Variants in CCN2 observed in about 807,000 individuals in gnomAD.
CCN2 encodes the protein cellular communication network factor 2.
Under a neutral mutation model 33.2 loss-of-function variants are expected in CCN2, and 22 were observed. The observed-to-expected ratio is 0.66, with a 90% CI of 0.47 to 0.95. The LOEUF (loss-of-function observed/expected upper bound fraction) is 0.95, where lower values mean the gene tolerates loss of function less well. CCN2 is among the 40% of genes least tolerant of loss of function. The pLI is 0.00. For missense variants in CCN2, 469 were observed against 498.8 expected (o/e 0.94, Z 0.57); for synonymous variants, 178 against 200.6 (o/e 0.89, Z 0.95).
Position 131,949,312 on chromosome 6 carries a change from G to T in CCN2, c.1002C>A (p.Asp334Glu). ...ACHYNCPGDN[D>E]IFESLYYRKM... The stretch of plus-strand genomic sequence containing the variant: ...TCCTGTAGTACAGCGATTCAAAGAT[G>T]TCATTGTCTCCGGGACAGTTGTAAT... The change falls in exon 5 of 5, where the codon GAC becomes GAA. Residue 334 changes from aspartate to glutamate, a missense_variant. Coordinates refer to ENST00000367976, the MANE Select transcript of CCN2 (RefSeq NM_001901.4). 1.9e-6 allele frequency: 3 copies of T among 1,614,208 alleles called. No homozygotes were observed. The highest frequency in any genetic ancestry group is 2.5e-6 in the Non-Finnish European group (3 of 1,180,028).
In CCN2 at chr6:131,949,440, A is replaced by G. The variant is rs572147432; in HGVS notation, c.874T>C (p.Cys292Arg). ...KFCGVCTDGR[C>R]CTPHRTTTLP... Reference sequence around the variant, plus strand: ...GTGGTGGTTCTGTGGGGGGTGCAGCATCGGCCGTCGGTACATACTCCACAG... The same window carrying G: ...GTGGTGGTTCTGTGGGGGGTGCAGCGTCGGCCGTCGGTACATACTCCACAG... Residue 292 changes from cysteine to arginine, a missense_variant, in exon 5 of 5, where the codon TGC becomes CGC. Coordinates refer to ENST00000367976, the MANE Select transcript of CCN2 (RefSeq NM_001901.4). 1 of 1,614,184 alleles carries G rather than the reference A, an allele frequency of 6.2e-7. No homozygotes were observed. Among genetic ancestry groups the G allele is most frequent in the Middle Eastern group, 1.6e-4 (1 of 6,062 alleles).
In CCN2 at chr6:131,950,116, T is replaced by C. The variant is rs773225479; in HGVS notation, c.586A>G (p.Arg196Gly). The C allele has an allele frequency of 6.2e-7, 1 of 1,614,250 alleles. No individual in the cohort carries two copies. The highest frequency in any genetic ancestry group is 1.3e-5 in the African/African-American group (1 of 75,058). The stretch of plus-strand genomic sequence containing the variant: ...GTGGTCTGGACCAGGCAGTTGGCTC[T>C]AATCATAGTTGGGTCTGGGCCAAAC... Reference protein sequence around the residue: ...DTFGPDPTMIRANCLVQTTEW... With the variant: ...DTFGPDPTMIGANCLVQTTEW... The change falls in exon 4 of 5, where the codon AGA (arginine) becomes GGA (glycine). Residue 196 changes from arginine to glycine, a missense_variant. Physicochemically the swap from Arg to Gly is moderately radical, Grantham distance 125 (BLOSUM62 -2). Coordinates refer to ENST00000367976, the MANE Select transcript of CCN2 (RefSeq NM_001901.4). The surrounding 1 kb of genome is among the most constrained non-coding windows in gnomAD (Gnocchi z 7.1).
intron 4 of CCN2, 28 bp from the exon 5 acceptor site, chr6:131,949,588 G>GAA: frequency 4.7e-6 from 5 of 1,065,260 alleles, no homozygotes; most frequent in East Asian, 2.7e-5. Flanking sequence ...AAAGAGAGAG[G>GAA]AAAAAAAAAA....
In CCN2 at chr6:131,950,043, C is replaced by T. The variant is rs1489124165; in HGVS notation, c.659G>A (p.Arg220Gln). 2.5e-6 allele frequency: 4 copies of T among 1,614,228 alleles called. No homozygotes were observed. Among genetic ancestry groups the T allele is most frequent in the Non-Finnish European group, 3.4e-6 (4 of 1,180,036 alleles). The change falls in exon 4 of 5, where the codon CGG becomes CAG. Residue 220 changes from arginine to glutamine, a missense_variant. Arg to Gln is a conservative substitution (Grantham distance 43). Coordinates refer to ENST00000367976, the MANE Select transcript of CCN2 (RefSeq NM_001901.4). This position sits in a 1 kb window ranked among gnomAD's most constrained non-coding sequence, Gnocchi z 7.1. ...SKTCGMGIST[R>Q]VTNDNASCRL... ...GCAGGAGGCGTTGTCATTGGTAACC[C>T]GGGTGGAGATGCCCATCCCACAGGT...
rs780986630 is a variant in CCN2 at position 131,950,849 on chromosome 6, C to G, written c.210G>C (p.Glu70Asp). Reference sequence around the variant, plus strand: ...CCTTGTGCGGGTCGCATGGGTCGCGCTCGGTGCACAGCTCGCCCAGCTGCT... The same window carrying G: ...CCTTGTGCGGGTCGCATGGGTCGCGGTCGGTGCACAGCTCGCCCAGCTGCT... ...CAKQLGELCT[E>D]RDPCDPHKGL... The change falls in exon 2 of 5, where the codon GAG becomes GAC. Residue 70 changes from glutamate (E) to aspartate (D), a missense_variant. Glu to Asp is a conservative substitution (Grantham distance 45, BLOSUM62 2). Coordinates refer to ENST00000367976, the MANE Select transcript of CCN2 (RefSeq NM_001901.4). This position sits in a 1 kb window ranked among gnomAD's most constrained non-coding sequence, Gnocchi z 7.1. 6.5e-7 allele frequency: 1 copy of G among 1,535,802 alleles called. No individual in the cohort carries two copies. The highest frequency in any genetic ancestry group is 8.7e-7 in the Non-Finnish European group (1 of 1,147,882).
chr6:131,949,942 C>T lies in CCN2; in HGVS notation c.753+7G>A, dbSNP rs1585880383. 1 of 1,613,954 alleles carries T rather than the reference C, an allele frequency of 6.2e-7. No individual in the cohort carries two copies. The highest frequency in any genetic ancestry group is 8.5e-7 in the Non-Finnish European group (1 of 1,179,886). The stretch of plus-strand genomic sequence containing the variant: ...TGAAAAATAGTTAATAGGAGCAGAA[C>T]ATGTACCTTAATGTTCTCTTCCAGG... On this transcript the variant is annotated splice_region_variant and intron_variant, in intron 4 of 4. Transcript: ENST00000367976.
Position 131,949,681 on chromosome 6 carries a change from AG to A in CCN2, c.754-122del. The A allele has an allele frequency of 3.8e-6, 4 of 1,043,040 alleles. No homozygotes were observed. The South Asian group carries it at 4.7e-5, about 12-fold the overall frequency. 64.6% of individuals were successfully genotyped at this position (1,043,040 alleles called of 1,614,324 possible). ...TTGTCTGACTTCTGTTTATATTTTGAGGGGAGGAAGTTTGAGTCTCATTTGC... is the reference window on the plus strand; with the variant it reads ...TTGTCTGACTTCTGTTTATATTTTGAGGGAGGAAGTTTGAGTCTCATTTGC... On this transcript the variant is annotated intron_variant, in intron 4 of 4. Transcript: ENST00000367976.
chr6:131,950,774 G>A lies in CCN2; in HGVS notation c.285C>T (p.Cys95=). The part of the protein sequence containing the change: ...GSPANRKIGV[C]TAKDGAPCIF... ...GGTGGGGGCTGCGGGTCTTACCGGT[G>A]CACACGCCGATCTTGCGGTTGGCCG... The change falls in exon 2 of 5, where the codon TGC becomes TGT. Residue 95 remains cysteine (C), a synonymous_variant. Coordinates refer to ENST00000367976, the MANE Select transcript of CCN2 (RefSeq NM_001901.4). This position sits in a 1 kb window ranked among gnomAD's most constrained non-coding sequence, Gnocchi z 7.1. The A allele has an allele frequency of 6.5e-7, 1 of 1,542,256 alleles. No homozygotes were observed. Among genetic ancestry groups the A allele is most frequent in the African/African-American group, 1.4e-5 (1 of 73,674 alleles).
chr6:131,951,014 C>A, intron 1 of CCN2, 22 bp from the exon 2 acceptor site: 1 of 1,264,292 alleles, frequency 7.9e-7, no homozygotes, highest in South Asian at 2.9e-5. Context: ...ACAGGGCGGT[C>A]AGCGGCGCTC....
chr6:131,950,151 A>G lies in CCN2; in HGVS notation c.551T>C (p.Leu184Pro). Residue 184 changes from leucine to proline, a missense_variant, in exon 4 of 5, where the codon CTG becomes CCG. By Grantham distance (98) the Leu-to-Pro change is moderately conservative (BLOSUM62 -3). Transcript: ENST00000367976. This position sits in a 1 kb window ranked among gnomAD's most constrained non-coding sequence, Gnocchi z 7.1. The part of the protein sequence containing the change: ...VVGPALAAYR[L>P]EDTFGPDPTM... ...TGGGTCTGGGCCAAACGTGTCTTCC[A>G]GTCGGTAAGCTGCGAGAGCAGAGCA... The G allele has an allele frequency of 6.2e-7, 1 of 1,614,242 alleles. No homozygotes were observed. Among genetic ancestry groups the G allele is most frequent in the South Asian group, 1.1e-5 (1 of 91,086 alleles).
rs757046328 is a variant in CCN2, at chr6:131,950,831, C to T, written c.228G>A (p.Pro76=). The T allele has an allele frequency of 6.5e-7, 1 of 1,539,320 alleles. No individual in the cohort carries two copies. The highest frequency in any genetic ancestry group is 1.2e-5 in the South Asian group (1 of 84,300). The part of the protein sequence containing the change: ...ELCTERDPCD[P]HKGLFCHFGS... ...CGAAGTGACAGAATAGGCCCTTGTG[C>T]GGGTCGCATGGGTCGCGCTCGGTGC... The change falls in exon 2 of 5, where the codon CCG becomes CCA. Residue 76 remains proline (P), a synonymous_variant. Coordinates refer to ENST00000367976, the MANE Select transcript of CCN2 (RefSeq NM_001901.4). This position sits in a 1 kb window ranked among gnomAD's most constrained non-coding sequence, Gnocchi z 7.1.
Position 131,949,409 on chromosome 6 carries a change from G to A in CCN2, c.905C>T (p.Pro302Leu), listed in dbSNP as rs1394533856. ...CCTPHRTTTL[P>L]VEFKCPDGEV... ...GCCGTCAGGGCACTTGAACTCCACC[G>A]GCAGGGTGGTGGTTCTGTGGGGGGT... Residue 302 changes from proline (P) to leucine (L), a missense_variant, in exon 5 of 5, where the codon CCG (proline) becomes CTG (leucine). Transcript: ENST00000367976. The A allele has an allele frequency of 1.9e-6, 3 of 1,614,166 alleles. No homozygotes were observed. Among genetic ancestry groups the A allele is most frequent in the South Asian group, 2.2e-5 (2 of 91,080 alleles).
rs762093685 is a variant in CCN2, at chr6:131,950,763, G to T, written c.289+7C>A. 18 of 1,538,148 alleles carry T rather than the reference G, an allele frequency of 1.2e-5. No individual in the cohort carries two copies. Among genetic ancestry groups the T allele is most frequent in the Non-Finnish European group, 1.5e-5 (17 of 1,148,580 alleles). On this transcript the variant is annotated splice_region_variant and intron_variant, in intron 2 of 4. Transcript: ENST00000367976. This position sits in a 1 kb window ranked among gnomAD's most constrained non-coding sequence, Gnocchi z 7.1. ...GGACACCTAGCGGTGGGGGCTGCGGGTCTTACCGGTGCACACGCCGATCTT... is the reference window on the plus strand; with the variant it reads ...GGACACCTAGCGGTGGGGGCTGCGGTTCTTACCGGTGCACACGCCGATCTT...
In CCN2 at chr6:131,950,107, A is replaced by G; in HGVS notation, c.595T>C (p.Cys199Arg). The change falls in exon 4 of 5, where the codon TGC becomes CGC. Residue 199 changes from cysteine to arginine, a missense_variant. Transcript: ENST00000367976. This position sits in a 1 kb window ranked among gnomAD's most constrained non-coding sequence, Gnocchi z 7.1. ...GPDPTMIRANCLVQTTEWSAC... is the reference protein window; with the variant it reads ...GPDPTMIRANRLVQTTEWSAC... The stretch of plus-strand genomic sequence containing the variant: ...CTCCACTCTGTGGTCTGGACCAGGC[A>G]GTTGGCTCTAATCATAGTTGGGTCT... 1 of 1,614,260 alleles carries G rather than the reference A, an allele frequency of 6.2e-7. No individual in the cohort carries two copies. The highest frequency in any genetic ancestry group is 8.5e-7 in the Non-Finnish European group (1 of 1,180,048).
At position 131,951,089 on chromosome 6, in the gene CCN2, G is replaced by A. The variant is rs1331392920; in HGVS notation, c.66+18C>T. ...TCCCTGGCAGCCGCCGGCCGCAGCG[G>A]GGGCTCCCGGCGCTTACCCGGCTGC... On this transcript the variant is annotated intron_variant, in intron 1 of 4. Transcript: ENST00000367976. The A allele has an allele frequency of 7.6e-7, 1 of 1,311,008 alleles. No homozygotes were observed. Among genetic ancestry groups the A allele is most frequent in the Admixed American group, 3.5e-5 (1 of 28,788 alleles). 81.2% of individuals were successfully genotyped at this position (1,311,008 alleles called of 1,614,324 possible). A position where few individuals can be genotyped will look rare whatever the true frequency, so the allele number is the denominator to read the frequency against.
intron 4 of CCN2, among the ~76,000 whole-genome samples, 179 bp from the exon 5 acceptor site, chr6:131,949,739 A>G (rs926889040): frequency 2.6e-5 from 4 of 152,088 alleles, no homozygotes; most frequent in African/African-American, 9.7e-5. Flanking sequence ...CCTCTCTTGG[A>G]ATGTCTTGAA....
Position 131,950,165 on chromosome 6 carries a change from G to A in CCN2, c.542-5C>T, listed in dbSNP as rs377016886. On this transcript the variant is annotated splice_polypyrimidine_tract_variant and splice_region_variant and intron_variant, in intron 3 of 4. Coordinates refer to ENST00000367976, the MANE Select transcript of CCN2 (RefSeq NM_001901.4). This position sits in a 1 kb window ranked among gnomAD's most constrained non-coding sequence, Gnocchi z 7.1. ...ACGTGTCTTCCAGTCGGTAAGCTGC[G>A]AGAGCAGAGCACACAAACACCATGT... 5 of 1,614,208 alleles carry A rather than the reference G, an allele frequency of 3.1e-6. No individual in the cohort carries two copies. The highest frequency in any genetic ancestry group is 1.7e-5 in the Admixed American group (1 of 60,024).
Position 131,949,481 on chromosome 6 carries a change from G to T in CCN2, c.833C>A (p.Thr278Lys), listed in dbSNP as rs1164240934. ...FELSGCTSMK[T>K]YRAKFCGVCT... ...TACTCCACAGAATTTAGCTCGGTAT[G>T]TCTTCATGCTGGTGCAGCCAGAAAG... The change falls in exon 5 of 5, where the codon ACA becomes AAA. Residue 278 changes from threonine (T) to lysine (K), a missense_variant. Physicochemically the swap from Thr to Lys is moderately conservative, Grantham distance 78. Transcript: ENST00000367976. The T allele has an allele frequency of 1.2e-6, 2 of 1,607,940 alleles. No individual in the cohort carries two copies. Among genetic ancestry groups the T allele is most frequent in the African/African-American group, 2.7e-5 (2 of 74,764 alleles).
At chr6:131,951,022 C>T in intron 1 of CCN2, 30 bp from the exon 2 acceptor site, 6 of 1,257,216 alleles carry the variant, frequency 4.8e-6, no homozygotes, top group East Asian at 6.7e-5. Flanking sequence ...GTCAGCGGCG[C>T]TCGGTCGGCG....
Sources: allele counts gnomAD v4.1 joint callset (sites outside exome capture counted in the v4.1 genomes callset), GRCh38; gene constraint gnomAD v4.1.1; non-coding constraint Gnocchi (gnomAD v3.1); transcripts MANE v1.5; gene names NCBI Gene and HGNC (gene_info 2026-07-23, HGNC 2026-07-21).